The following PARP8 variants were observed in gnomAD, a reference collection of about 807,000 sequenced individuals.
The protein encoded by PARP8 is poly(ADP-ribose) polymerase family member 8, also known as protein mono-ADP-ribosyltransferase PARP8.
A neutral mutation model predicts 124.1 loss-of-function variants in PARP8; 51 were observed. The ratio of observed to expected loss-of-function variants is 0.41; its 90% CI spans 0.33 to 0.52. PARP8 has a LOEUF of 0.52. Among genes scored for constraint, PARP8 ranks in the 20% least tolerant of loss-of-function variants. PARP8 has a pLI of 0.21. For synonymous variants in PARP8, 391 were observed against 361.5 expected (o/e 1.08, Z -0.93); for missense variants, 860 against 1,018.9 (o/e 0.84, Z 2.12).
chr5:50,755,145 A>C (rs1187063094), intron 3 of PARP8, among the ~76,000 whole-genome samples: 2 of 151,986 alleles, frequency 1.3e-5, no homozygotes, highest in Admixed American at 6.6e-5. Flanking sequence ...GTTCACTCTG[A>C]TGGTAGTTTC....
At chr5:50,670,003 A>T (rs1749820120) in intron 2 of PARP8, among the ~76,000 whole-genome samples, 1 of 152,250 alleles carries the variant, frequency 6.6e-6, no homozygotes, top group Admixed American at 6.5e-5. Context: ...TACAATATGT[A>T]AAAAGTTGTT....
At chr5:50,713,713 T>TG (rs1321411457) in intron 2 of PARP8, among the ~76,000 whole-genome samples, 2 of 152,026 alleles carry the variant, frequency 1.3e-5, no homozygotes, top group African/African-American at 2.4e-5. Context: ...GATTTTGAGA[T>TG]GGGGGGATTA....
chr5:50,769,526 T>A (rs1761391191), intron 7 of PARP8, among the ~76,000 whole-genome samples: 1 of 152,044 alleles, frequency 6.6e-6, no homozygotes, highest in Non-Finnish European at 1.5e-5. Context: ...ATGGTTATAA[T>A]GTTTATTTAA....
chr5:50,829,156 T>A (rs1331049887), intron 21 of PARP8, among the ~76,000 whole-genome samples: 1 of 152,184 alleles, frequency 6.6e-6, no homozygotes, highest in Non-Finnish European at 1.5e-5. Flanking sequence ...CAGTACTTGG[T>A]GTTAGCAGGA....
At chr5:50,819,725 G>A (rs912628845) in intron 15 of PARP8, among the ~76,000 whole-genome samples, 10 of 152,120 alleles carry the variant, frequency 6.6e-5, no homozygotes, top group African/African-American at 1.2e-4. Flanking sequence ...GATTACAGGC[G>A]TGAGCCACTG....
chr5:50,811,565 A>G (rs1299032325), intron 14 of PARP8, among the ~76,000 whole-genome samples: 2 of 151,452 alleles, frequency 1.3e-5, no homozygotes, highest in Admixed American at 1.3e-4. Context: ...GCGTAGTAAG[A>G]TATTTTATTT....
chr5:50,773,579 G>T (rs1023052287), intron 7 of PARP8, among the ~76,000 whole-genome samples: 5 of 152,122 alleles, frequency 3.3e-5, no homozygotes, highest in Non-Finnish European at 7.4e-5. Flanking sequence ...CTATAGCTTT[G>T]TAAGGTAGTT....
chr5:50,750,016 T>G (rs1177081277), intron 2 of PARP8, 135 bp from the exon 3 acceptor site: 4 of 695,138 alleles, frequency 5.8e-6, no homozygotes, highest in Middle Eastern at 2.9e-4. Context: ...TTTTCTAATC[T>G]GTTTTGGAAG....
At chr5:50,822,828 GGAA>G (rs1745914101) in intron 17 of PARP8, among the ~76,000 whole-genome samples, 1 of 152,138 alleles carries the variant, frequency 6.6e-6, no homozygotes, top group Non-Finnish European at 1.5e-5. Context: ...AAACCACTTT[GGAA>G]GATGCCAGGC....
At chr5:50,744,284 A>G (rs765826488) in intron 2 of PARP8, among the ~76,000 whole-genome samples, 1 of 152,178 alleles carries the variant, frequency 6.6e-6, no homozygotes, top group Non-Finnish European at 1.5e-5. Flanking sequence ...TTCTTAGCTC[A>G]TTGCAGACAT....
At chr5:50,739,170 T>C in intron 2 of PARP8, 1 of 663,158 alleles carries the variant, frequency 1.5e-6, no homozygotes, top group Non-Finnish European at 2.8e-6. Context: ...GGACACAGGC[T>C]AGGTAACTCC....
chr5:50,737,148 C>T (rs1757550885), intron 2 of PARP8, among the ~76,000 whole-genome samples: 1 of 152,150 alleles, frequency 6.6e-6, no homozygotes, highest in South Asian at 2.1e-4. Flanking sequence ...GCCTTCCTCA[C>T]CATCTGTAAG....
At chr5:50,787,701 G>A (rs1741420926) in intron 9 of PARP8, among the ~76,000 whole-genome samples, 1 of 151,746 alleles carries the variant, frequency 6.6e-6, no homozygotes, top group Non-Finnish European at 1.5e-5. Context: ...TTAAACCAGT[G>A]AATAATGAAA....
chr5:50,689,509 G>A (rs762966720), intron 2 of PARP8, among the ~76,000 whole-genome samples: 1 of 152,132 alleles, frequency 6.6e-6, no homozygotes, highest in Non-Finnish European at 1.5e-5. Flanking sequence ...AGGGAAGGAG[G>A]GAAAATGGGG....
chr5:50,688,203 A>G (rs1368015752), intron 2 of PARP8, among the ~76,000 whole-genome samples: 2 of 152,206 alleles, frequency 1.3e-5, no homozygotes, highest in African/African-American at 2.4e-5. Flanking sequence ...AGCCGACCAG[A>G]GAGAGTTTTT....
At chr5:50,840,186 C>CTCTAT (rs1215464890) in intron 25 of PARP8, among the ~76,000 whole-genome samples, 4 of 151,846 alleles carry the variant, frequency 2.6e-5, no homozygotes, top group Admixed American at 2.6e-4. Flanking sequence ...AGTCAATGTT[C>CTCTAT]TCTATTCTAT....
intron 14 of PARP8, among the ~76,000 whole-genome samples, chr5:50,812,775 G>T (rs553091271): frequency 6.6e-6 from 1 of 152,260 alleles, no homozygotes; most frequent in South Asian, 2.1e-4. Flanking sequence ...TTTGTATAAG[G>T]TGTAAGGAAG....
intron 2 of PARP8, among the ~76,000 whole-genome samples, chr5:50,679,548 A>G (rs1201381969): frequency 6.6e-6 from 1 of 152,098 alleles, no homozygotes; most frequent in African/African-American, 2.4e-5. Context: ...ACCCTCCCAT[A>G]TCCTTAGAAA....
chr5:50,694,875 T>C (rs1752857970), intron 2 of PARP8, among the ~76,000 whole-genome samples: 1 of 152,078 alleles, frequency 6.6e-6, no homozygotes. Flanking sequence ...ATATCACTGG[T>C]GTAAGTCCAA....
Sources: allele counts gnomAD v4.1 joint callset (sites outside exome capture counted in the v4.1 genomes callset), GRCh38; gene constraint gnomAD v4.1.1; transcripts MANE v1.5; gene names NCBI Gene and HGNC (gene_info 2026-07-23, HGNC 2026-07-21).